NTN1: variants seen among roughly 807,000 people sequenced by gnomAD.
NTN1 encodes netrin-1.
Under a neutral mutation model 54.2 loss-of-function variants are expected in NTN1, and 11 were observed. The ratio of observed to expected loss-of-function variants is 0.20; its 90% CI spans 0.13 to 0.34. The LOEUF is 0.34. Ranked by LOEUF, NTN1 falls within the 10% of genes least tolerant of loss-of-function variation. The pLI, the probability that NTN1 is intolerant of heterozygous loss-of-function variation, is 1.00. For synonymous variants in NTN1, 371 were observed against 382.0 expected (o/e 0.97, Z 0.33); for missense variants, 740 against 893.1 (o/e 0.83, Z 2.18).
chr17:9,228,363 C>T (rs971259031), intron 6 of NTN1, among the ~76,000 whole-genome samples: 1 of 152,162 alleles, frequency 6.6e-6, no homozygotes, highest in Non-Finnish European at 1.5e-5. Context: ...GCGTTCAGTG[C>T]AGTGTGGGGC....
At chr17:9,160,645 T>G (rs578087559) in intron 2 of NTN1, among the ~76,000 whole-genome samples, 1 of 152,286 alleles carries the variant, frequency 6.6e-6, no homozygotes, top group South Asian at 2.1e-4. Context: ...GTTTTTTGAG[T>G]GCATGAATTA....
chr17:9,222,579 G>A (rs559644635), intron 6 of NTN1, among the ~76,000 whole-genome samples: 16 of 152,330 alleles, frequency 1.1e-4, no homozygotes, highest in African/African-American at 3.6e-4. Flanking sequence ...AAAGGAAGCT[G>A]GTGAGGAAAG....
At position 9,233,990 on chromosome 17, in the gene NTN1, G is replaced by T. The variant is rs534806968; in HGVS notation, c.1487-5650G>T. ...CCCTGGGCCTGCCTCCTAGCCCCCT[G>T]CCCCATTGGCTGTAACCAACTCCAC... On this transcript the variant is annotated intron_variant, in intron 6 of 6. Coordinates refer to ENST00000173229, the MANE Select transcript of NTN1 (RefSeq NM_004822.3). Among the ~76,000 whole-genome samples the T allele has an allele frequency of 2.6e-5, 4 of 152,278 alleles. No individual in the cohort carries two copies. In the South Asian group the frequency reaches 8.3e-4, roughly 32 times the overall value.
intron 5 of NTN1, among the ~76,000 whole-genome samples, chr17:9,213,409 G>A (rs1314952394): frequency 6.6e-6 from 1 of 152,230 alleles, no homozygotes; most frequent in African/African-American, 2.4e-5. Flanking sequence ...AGAGAGCAGG[G>A]CAGCAGGGCG....
At position 9,240,912 on chromosome 17, in the gene NTN1, C is replaced by T. The variant is rs921230543; in HGVS notation, c.*944C>T. ...TTTCCTTTTGGAAACTTGGAACCAG[C>T]CCTTTTTATGACGTTTTCCAGGGGG... On this transcript the variant is annotated 3_prime_UTR_variant, in exon 7 of 7. Coordinates refer to ENST00000173229, the MANE Select transcript of NTN1 (RefSeq NM_004822.3). The T allele has an allele frequency of 6.6e-6, 1 of 152,278 alleles. No individual in the cohort carries two copies. Among genetic ancestry groups the T allele is most frequent in the East Asian group, 1.9e-4 (1 of 5,188 alleles). The allele number at this position is 152,278 out of a possible 1,614,324, so 9.4% of individuals were successfully genotyped here.
intron 2 of NTN1, among the ~76,000 whole-genome samples, chr17:9,134,886 CTTTT>C (rs2092276316): frequency 1.3e-5 from 2 of 152,184 alleles, no homozygotes; most frequent in Non-Finnish European, 2.9e-5. Context: ...TCCTGCCCTG[CTTTT>C]GGTTCTGGGT....
intron 5 of NTN1, among the ~76,000 whole-genome samples, chr17:9,204,284 A>ATC (rs542842248): frequency 2.3e-5 from 2 of 87,762 alleles, no homozygotes; most frequent in Non-Finnish European, 5.2e-5. Flanking sequence ...CTCTTTCTCT[A>ATC]TCTCTTTCTC....
chr17:9,163,014 TGGCGG>T lies in NTN1; in HGVS notation c.1207+21_1207+25del. On this transcript the variant is annotated intron_variant, in intron 3 of 6. Transcript: ENST00000173229. ...AAGGCCTGCAAAGGTGGGCTACACGTGGCGGGGCGGGGGGCTGGGGAGACCCGGGG... is the reference window on the plus strand; with the variant it reads ...AAGGCCTGCAAAGGTGGGCTACACGTGGCGGGGGGCTGGGGAGACCCGGGG... The T allele has an allele frequency of 6.3e-7, 1 of 1,587,252 alleles. No homozygotes were observed. The highest frequency in any genetic ancestry group is 8.6e-7 in the Non-Finnish European group (1 of 1,164,422).
intron 2 of NTN1, among the ~76,000 whole-genome samples, chr17:9,091,992 G>A (rs1208273628): frequency 6.6e-6 from 1 of 151,938 alleles, no homozygotes; most frequent in Non-Finnish European, 1.5e-5. Context: ...CCGGGTTCAA[G>A]CGATTCTCCT....
intron 2 of NTN1, among the ~76,000 whole-genome samples, chr17:9,026,127 C>T (rs1055311203): frequency 1.3e-5 from 2 of 152,086 alleles, no homozygotes; most frequent in African/African-American, 4.8e-5. Flanking sequence ...AAATGGTACC[C>T]TTCCCTAGGT....
At chr17:9,162,777 C>T (rs778465804) in intron 2 of NTN1, 36 bp from the exon 3 acceptor site, 1 of 1,578,694 alleles carries the variant, frequency 6.3e-7, no homozygotes, top group Non-Finnish European at 8.7e-7. Flanking sequence ...TCCCCGCGCC[C>T]CTGCGGCTGA....
chr17:9,194,949 G>C (rs1451367252), intron 5 of NTN1, among the ~76,000 whole-genome samples: 1 of 152,048 alleles, frequency 6.6e-6, no homozygotes, highest in Non-Finnish European at 1.5e-5. Context: ...ACTTCCCCTT[G>C]GCCAGGAGAA....
chr17:9,014,915 G>C, the NTN1 span, among the ~76,000 whole-genome samples: 6 of 152,176 alleles, frequency 3.9e-5, no homozygotes, highest in Non-Finnish European at 1.5e-5. Context: ...GATTATTTTA[G>C]TTCACACACT....
upstream of NTN1, among the ~76,000 whole-genome samples, chr17:9,017,590 C>T (rs745424011): frequency 2.6e-5 from 4 of 152,228 alleles, no homozygotes; most frequent in Non-Finnish European, 4.4e-5. Flanking sequence ...GGTGATCCGT[C>T]TGGCTTCACA....
chr17:9,074,227 G>A (rs563762397), intron 2 of NTN1, among the ~76,000 whole-genome samples: 1 of 152,350 alleles, frequency 6.6e-6, no homozygotes, highest in East Asian at 1.9e-4. Flanking sequence ...GCAAGACGGC[G>A]TGTAAGCTCA....
chr17:9,082,354 C>T (rs2092074147), intron 2 of NTN1, among the ~76,000 whole-genome samples: 1 of 152,234 alleles, frequency 6.6e-6, no homozygotes, highest in Non-Finnish European at 1.5e-5. Context: ...AGCCTCCACG[C>T]CTGGCCAGCA....
chr17:9,076,373 A>G (rs922927754), intron 2 of NTN1, among the ~76,000 whole-genome samples: 8 of 151,860 alleles, frequency 5.3e-5, no homozygotes, highest in African/African-American at 9.7e-5. Context: ...TTTTATTTCT[A>G]TTTTTAAGTT....
chr17:9,186,775 C>A (rs141806874), intron 5 of NTN1, among the ~76,000 whole-genome samples: 1 of 152,236 alleles, frequency 6.6e-6, no homozygotes, highest in Admixed American at 6.5e-5. Context: ...CACTTTTTCA[C>A]GGAAGGAAGT....
intron 2 of NTN1, among the ~76,000 whole-genome samples, chr17:9,094,903 C>T (rs1047327136): frequency 1.2e-4 from 18 of 148,396 alleles, no homozygotes; most frequent in Non-Finnish European, 1.9e-4. Context: ...GCAGGAGAAT[C>T]GCTTGAATGC....
Sources: gnomAD v4.1 joint callset for allele counts (sites outside exome capture counted in the v4.1 genomes callset) on GRCh38, gnomAD v4.1.1 for gene constraint, MANE v1.5 for transcripts, NCBI Gene and HGNC (gene_info 2026-07-23, HGNC 2026-07-21) for gene names.